The following JAZF1 variants were observed in gnomAD, a reference collection of about 807,000 sequenced individuals.
The protein encoded by JAZF1 is juxtaposed with another zinc finger protein 1.
In JAZF1, 8 loss-of-function variants were observed where a neutral mutation model predicts 26.4. That is an observed-to-expected ratio of 0.30 (90% CI 0.18 to 0.55). The LOEUF is 0.55. Ranked by LOEUF, JAZF1 falls within the 20% of genes least tolerant of loss-of-function variation. The pLI is 0.94. For synonymous variants in JAZF1, 126 were observed against 122.3 expected (o/e 1.03, Z -0.20); for missense variants, 199 against 322.0 (o/e 0.62, Z 2.92).
chr7:27,832,705 A>T lies in JAZF1; in HGVS notation c.*95T>A. ...AGCATGCATTTAATTCTTTTTCTTT[A>T]AAGGGTTGCTGAATGCTTCCCCTGA... On this transcript the variant is annotated 3_prime_UTR_variant, in exon 5 of 5. Transcript: ENST00000283928. 9.8e-7 allele frequency: 1 copy of T among 1,018,780 alleles called. No individual in the cohort carries two copies. The highest frequency in any genetic ancestry group is 1.4e-6 in the Non-Finnish European group (1 of 713,136). 63.1% of individuals were successfully genotyped at this position (1,018,780 alleles called of 1,614,324 possible).
At chr7:28,116,609 AT>A (rs59996657) in intron 1 of JAZF1, among the ~76,000 whole-genome samples, 15,706 of 151,348 alleles carry the variant, frequency 0.1, 1,318 homozygotes, top group East Asian at 0.47. Context: ...CGCCCGGCTA[AT>A]TTTTTGTATC....
At chr7:27,932,421 G>A (rs965563404) in intron 2 of JAZF1, among the ~76,000 whole-genome samples, 3 of 152,166 alleles carry the variant, frequency 2.0e-5, no homozygotes, top group East Asian at 1.9e-4. Flanking sequence ...TATGAGGACT[G>A]TTGGTATGTA....
intron 3 of JAZF1, among the ~76,000 whole-genome samples, chr7:27,857,094 G>T (rs6970182): frequency 6.6e-6 from 1 of 152,234 alleles, no homozygotes; most frequent in Non-Finnish European, 1.5e-5. Flanking sequence ...ACTGGGCGCC[G>T]TGGAGCAGGG....
At chr7:28,138,374 T>G (rs1034963380) in intron 1 of JAZF1, among the ~76,000 whole-genome samples, 1 of 152,216 alleles carries the variant, frequency 6.6e-6, no homozygotes, top group Non-Finnish European at 1.5e-5. Flanking sequence ...GTATTGCCAC[T>G]AGGGAGGAGG....
chr7:27,905,824 TTGAGAA>T (rs1784246023), intron 2 of JAZF1, among the ~76,000 whole-genome samples: 1 of 152,162 alleles, frequency 6.6e-6, no homozygotes, highest in Non-Finnish European at 1.5e-5. Flanking sequence ...AAAGGCTTTC[TTGAGAA>T]AGATTCTTCT....
At chr7:27,989,734 G>C in intron 2 of JAZF1, among the ~76,000 whole-genome samples, 2 of 152,080 alleles carry the variant, frequency 1.3e-5, no homozygotes, top group Non-Finnish European at 2.9e-5. Flanking sequence ...CCACAATGAG[G>C]TACCATCTCA....
intron 3 of JAZF1, among the ~76,000 whole-genome samples, chr7:27,876,007 C>A (rs562772144): frequency 6.6e-6 from 1 of 152,212 alleles, no homozygotes; most frequent in Non-Finnish European, 1.5e-5. Flanking sequence ...GGTTAAGATC[C>A]AGGCACCAAA....
intron 2 of JAZF1, among the ~76,000 whole-genome samples, chr7:27,984,638 A>G (rs1785660094): frequency 6.6e-6 from 1 of 152,236 alleles, no homozygotes; most frequent in Non-Finnish European, 1.5e-5. Context: ...ACCCCAAATC[A>G]GCAGAACATA....
intron 3 of JAZF1, among the ~76,000 whole-genome samples, chr7:27,865,981 A>G (rs1205803528): frequency 2.0e-5 from 3 of 152,148 alleles, no homozygotes; most frequent in Non-Finnish European, 4.4e-5. Flanking sequence ...GTTCTGCTGG[A>G]CTAAGAATGA....
At chr7:27,983,427 C>A (rs564056071) in intron 2 of JAZF1, among the ~76,000 whole-genome samples, 3 of 152,240 alleles carry the variant, frequency 2.0e-5, no homozygotes, top group African/African-American at 7.2e-5. Flanking sequence ...CAAACCAAAG[C>A]CTCCAAGAAA....
intron 1 of JAZF1, among the ~76,000 whole-genome samples, chr7:28,139,108 A>T (rs1360511004): frequency 2.0e-5 from 3 of 152,204 alleles, no homozygotes; most frequent in African/African-American, 7.2e-5. Flanking sequence ...GGTTGCCTGT[A>T]GTGACCTTGG....
At chr7:27,953,035 G>C (rs1214051046) in intron 2 of JAZF1, among the ~76,000 whole-genome samples, 1 of 152,216 alleles carries the variant, frequency 6.6e-6, no homozygotes, top group Non-Finnish European at 1.5e-5. Flanking sequence ...TAGGATATTA[G>C]TTACAGCATT....
chr7:27,902,237 T>C (rs1186972773), intron 2 of JAZF1, among the ~76,000 whole-genome samples: 1 of 152,244 alleles, frequency 6.6e-6, no homozygotes, highest in Admixed American at 6.5e-5. Context: ...ATTATCTTTA[T>C]GAAATCTAAA....
rs76927905 is a variant in JAZF1, at chr7:27,889,248, C to T, written c.385+5972G>A. Reference sequence around the variant, plus strand: ...TAAAATTTTTTCCAGGTGATTTCAACGTTCATCCTGATCGAAAATCACTGT... The same window carrying T: ...TAAAATTTTTTCCAGGTGATTTCAATGTTCATCCTGATCGAAAATCACTGT... On this transcript the variant is annotated intron_variant, in intron 3 of 4. Coordinates refer to ENST00000283928, the MANE Select transcript of JAZF1 (RefSeq NM_175061.4). Among the ~76,000 whole-genome samples, 43 of 151,892 alleles carry T rather than the reference C, an allele frequency of 2.8e-4. 1 individual carries two copies. In the East Asian group the frequency reaches 5.0e-3, roughly 18 times the overall value.
chr7:27,831,141 T>G lies in JAZF1; in HGVS notation c.*1659A>C. ...TTCAGGACCAAGACCATACTTCAGA[T>G]CTGAGGAAATTTTTAGAGGGCAGTG... On this transcript the variant is annotated 3_prime_UTR_variant, in exon 5 of 5. Transcript: ENST00000283928. 9.0e-6 allele frequency: 2 copies of G among 223,408 alleles called. No individual in the cohort carries two copies. Among genetic ancestry groups the G allele is most frequent in the African/African-American group, 4.5e-5 (2 of 44,872 alleles). The allele number at this position is 223,408 out of a possible 1,614,324, so 13.8% of individuals were successfully genotyped here.
chr7:27,985,136 C>T (rs557587350), intron 2 of JAZF1, among the ~76,000 whole-genome samples: 1 of 152,112 alleles, frequency 6.6e-6, no homozygotes, highest in Non-Finnish European at 1.5e-5. Context: ...GACACAAAAA[C>T]CCTTCAAAAA....
At chr7:28,032,173 TA>T (rs1426580942) in intron 1 of JAZF1, among the ~76,000 whole-genome samples, 2 of 152,214 alleles carry the variant, frequency 1.3e-5, no homozygotes, top group African/African-American at 4.8e-5. Context: ...ATCATATGAA[TA>T]AAACATGATT....
At chr7:28,066,636 A>G (rs1263856529) in intron 1 of JAZF1, among the ~76,000 whole-genome samples, 1 of 150,318 alleles carries the variant, frequency 6.7e-6, no homozygotes, top group African/African-American at 2.4e-5. Context: ...AAGAGAAAGC[A>G]TTAACAACAA....
chr7:27,985,912 G>A (rs1785690071), intron 2 of JAZF1, among the ~76,000 whole-genome samples: 1 of 152,172 alleles, frequency 6.6e-6, no homozygotes, highest in Non-Finnish European at 1.5e-5. Flanking sequence ...AGCCCTTTAT[G>A]CTAAAAACTC....
Sources: gnomAD v4.1 joint callset for allele counts (sites outside exome capture counted in the v4.1 genomes callset) on GRCh38, gnomAD v4.1.1 for gene constraint, MANE v1.5 for transcripts, NCBI Gene and HGNC (gene_info 2026-07-23, HGNC 2026-07-21) for gene names.